Variants in FH observed in about 807,000 individuals in gnomAD.
The protein encoded by FH is fumarate hydratase, also known as fumarate hydratase, mitochondrial.
FH carries 22 observed loss-of-function variants against 49.4 expected under a neutral mutation model. The observed-to-expected ratio is 0.45, with a 90% confidence interval of 0.32 to 0.64. The LOEUF (loss-of-function observed/expected upper bound fraction) is 0.64, where lower values mean the gene tolerates loss of function less well. FH is among the 30% of genes least tolerant of loss of function. The pLI is 0.05. For missense variants in FH, 526 were observed against 641.5 expected, an observed-to-expected ratio of 0.82 and a Z score of 1.95; for synonymous variants, 208 against 223.0, an observed-to-expected ratio of 0.93 and a Z score of 0.60.
At chr1:241,513,238 G>C (rs1660135322) in intron 3 of FH, among the ~76,000 whole-genome samples, 1 of 151,806 alleles carries the variant, frequency 6.6e-6, no homozygotes, top group African/African-American at 2.4e-5. Flanking sequence ...TAGCATATTA[G>C]TAAAATTACA....
At chr1:241,499,653 A>C (rs1338855188) in intron 9 of FH, among the ~76,000 whole-genome samples, 1 of 152,258 alleles carries the variant, frequency 6.6e-6, no homozygotes, top group Non-Finnish European at 1.5e-5. Flanking sequence ...ATATTATGCC[A>C]AATAAGTGAA....
intron 8 of FH, 37 bp from the exon 9 acceptor site, chr1:241,500,627 G>GAGAGAA: frequency 6.2e-7 from 1 of 1,608,486 alleles, no homozygotes; most frequent in African/African-American, 1.3e-5. Flanking sequence ...GAGAGAGAGA[G>GAGAGAA]AGAGAGAGAG....
At chr1:241,507,279 G>A (rs1481528398) in intron 5 of FH, among the ~76,000 whole-genome samples, 1 of 152,100 alleles carries the variant, frequency 6.6e-6, no homozygotes, top group African/African-American at 2.4e-5. Context: ...GGAGGAAAAG[G>A]CTATGCCATA....
Position 241,504,056 on chromosome 1 carries a change from C to T in FH, c.1094G>A (p.Ser365Asn), listed in dbSNP as rs1131691238. Residue 365 changes from serine to asparagine, a missense_variant, in exon 7 of 10, where the codon AGC becomes AAC. Transcript: ENST00000366560. ...TATGTGATTACCTGGCATGATACTG[C>T]TTCCTGGTTCATTTTCAGGCAAGAT... is the stretch of plus-strand genomic sequence containing the variant. The part of the protein sequence containing the change: ...ELILPENEPG[S>N]SIMPGKVNPT... 1.9e-6 allele frequency: 3 copies of T among 1,614,102 alleles called. No individual in the cohort carries two copies. Among genetic ancestry groups the T allele is most frequent in the Non-Finnish European group, 1.7e-6 (2 of 1,179,988 alleles).
intron 2 of FH, among the ~76,000 whole-genome samples, chr1:241,515,135 G>A (rs1660182714): frequency 6.6e-6 from 1 of 152,028 alleles, no homozygotes; most frequent in East Asian, 1.9e-4. Context: ...TTTTCCTCTG[G>A]ACCTCAAGTA....
intron 4 of FH, among the ~76,000 whole-genome samples, chr1:241,510,274 AAT>A (rs928223920): frequency 7.9e-5 from 12 of 152,238 alleles, no homozygotes; most frequent in African/African-American, 2.4e-4. Flanking sequence ...GGGCAGAAAC[AAT>A]ACAAGACAAT....
intron 9 of FH, among the ~76,000 whole-genome samples, chr1:241,499,895 TAATAC>T (rs1659725878): frequency 6.6e-6 from 1 of 152,220 alleles, no homozygotes; most frequent in Non-Finnish European, 1.5e-5. Context: ...AAAAGACTTA[TAATAC>T]AATAGCATGG....
At chr1:241,516,717 A>C (rs560813757) in intron 2 of FH, among the ~76,000 whole-genome samples, 2 of 151,516 alleles carry the variant, frequency 1.3e-5, no homozygotes, top group East Asian at 3.9e-4. Context: ...CAGTGGTGCG[A>C]TCTCAGCTCA....
intron 1 of FH, among the ~76,000 whole-genome samples, chr1:241,518,771 A>T (rs577238308): frequency 6.6e-6 from 1 of 152,346 alleles, no homozygotes; most frequent in African/African-American, 2.4e-5. Context: ...ATGTATTTAA[A>T]GCTTTTTAAA....
intron 6 of FH, 42 bp from the exon 7 acceptor site, chr1:241,504,287 A>C: frequency 1.3e-6 from 2 of 1,565,042 alleles, no homozygotes; most frequent in Non-Finnish European, 1.8e-6. Context: ...AACAAGTTAA[A>C]CTAAACATTT....
chr1:241,499,918 C>T (rs1010350269), intron 9 of FH, among the ~76,000 whole-genome samples: 5 of 152,142 alleles, frequency 3.3e-5, no homozygotes, highest in African/African-American at 9.7e-5. Flanking sequence ...TGGTTTTAGA[C>T]AAAATATTTG....
chr1:241,501,370 A>C (rs1221221393), intron 8 of FH, among the ~76,000 whole-genome samples: 1 of 152,166 alleles, frequency 6.6e-6, no homozygotes, highest in Admixed American at 6.5e-5. Flanking sequence ...ATTAAAAATA[A>C]AATTTTAAAA....
intron 2 of FH, among the ~76,000 whole-genome samples, chr1:241,516,715 C>A (rs369609450): frequency 6.6e-6 from 1 of 151,158 alleles, no homozygotes; most frequent in Admixed American, 6.6e-5. Flanking sequence ...TGCAGTGGTG[C>A]GATCTCAGCT....
rs751829174 is a variant in FH at position 241,508,803 on chromosome 1, A to G, written c.556-18T>C. On this transcript the variant is annotated intron_variant, in intron 4 of 9. Transcript: ENST00000366560. ...TTTGAGCTCTGTTGGAAATTTTTCA[A>G]AAGAAATATAAAATGTTAAATCAGA... The G allele has an allele frequency of 1.2e-6, 2 of 1,607,736 alleles. No individual in the cohort carries two copies. Among genetic ancestry groups the G allele is most frequent in the Non-Finnish European group, 1.7e-6 (2 of 1,175,180 alleles).
intron 8 of FH, among the ~76,000 whole-genome samples, chr1:241,500,854 A>G (rs753274576): frequency 1.7e-4 from 26 of 152,358 alleles, no homozygotes; most frequent in Middle Eastern, 6.8e-3. Context: ...AAAATAGCCC[A>G]TAGCAAGTAT....
At chr1:241,511,800 G>T in intron 4 of FH, 167 bp downstream of exon 4, 1 of 641,174 alleles carries the variant, frequency 1.6e-6, no homozygotes, top group South Asian at 2.0e-5. Flanking sequence ...TTTTTATAAG[G>T]ATTGAAACAT....
At chr1:241,513,911 T>C (rs1208963634) in intron 2 of FH, among the ~76,000 whole-genome samples, 198 bp from the exon 3 acceptor site, 2 of 152,208 alleles carry the variant, frequency 1.3e-5, no homozygotes, top group Non-Finnish European at 2.9e-5. Flanking sequence ...ATAGATCTAT[T>C]TGTTTAAGGA....
rs863223994 is a variant in FH at position 241,497,923 on chromosome 1, A to ATCCATTTT, written c.1430_1437dup (p.Ser480LysfsTer6). ...TCGATAGCAGTTTCCTTTAAGGTTG[A>ATCCATTTT]TCCATTTTTGTGTGCTGTCTTAGCA... On this transcript the variant is annotated frameshift_variant, in exon 10 of 10. Transcript: ENST00000366560. LOFTEE classifies it high-confidence loss of function. 1.2e-6 allele frequency: 2 copies of ATCCATTTT among 1,613,758 alleles called. No individual in the cohort carries two copies. Among genetic ancestry groups the ATCCATTTT allele is most frequent in the Non-Finnish European group, 1.7e-6 (2 of 1,179,816 alleles).
chr1:241,518,639 G>A (rs1253683944), intron 1 of FH, among the ~76,000 whole-genome samples: 1 of 152,174 alleles, frequency 6.6e-6, no homozygotes, highest in Non-Finnish European at 1.5e-5. Flanking sequence ...GTAGCTGTAA[G>A]TATTTCAACT....
Sources: allele counts gnomAD v4.1 joint callset (sites outside exome capture counted in the v4.1 genomes callset), GRCh38; gene constraint gnomAD v4.1.1; transcripts MANE v1.5; gene names NCBI Gene and HGNC (gene_info 2026-07-23, HGNC 2026-07-21).